The following RYR2 variants were observed in gnomAD, a reference collection of about 807,000 sequenced individuals.
RYR2 encodes the protein ryanodine receptor 2.
RYR2 carries 227 observed loss-of-function variants against 601.1 expected under a neutral mutation model. The observed-to-expected ratio is 0.38, with a 90% confidence interval of 0.34 to 0.42. The LOEUF (loss-of-function observed/expected upper bound fraction) is 0.42. RYR2 is among the 10% of genes least tolerant of loss of function. The pLI, the probability that RYR2 is intolerant of heterozygous loss-of-function variation, is 1.00. For missense variants in RYR2, 4,646 were observed against 6,156.5 expected, an observed-to-expected ratio of 0.75 and a Z score of 8.21; for synonymous variants, 2,223 against 2,175.1, an observed-to-expected ratio of 1.02 and a Z score of -0.61.
At chr1:237,582,522 G>T (rs1021074537) in intron 29 of RYR2, among the ~76,000 whole-genome samples, 1 of 151,932 alleles carries the variant, frequency 6.6e-6, no homozygotes, top group Non-Finnish European at 1.5e-5. Context: ...TAGTACAATT[G>T]ATACTTTCAC....
intron 11 of RYR2, 137 bp downstream of exon 11, chr1:237,417,260 GTTTCTCT>G (rs1558783496): frequency 1.6e-6 from 1 of 643,632 alleles, no homozygotes; most frequent in Admixed American, 2.8e-5. Flanking sequence ...GTGGTGGACA[GTTTCTCT>G]TTTGTCTATT....
At chr1:237,687,363 C>CTTTTTTTTTTTTTTT in intron 62 of RYR2, 92 bp from the exon 63 acceptor site, 1 of 452,442 alleles carries the variant, frequency 2.2e-6, no homozygotes, top group Non-Finnish European at 3.5e-6. Context: ...CTTTTTTCTT[C>CTTTTTTTTTTTTTTT]TTCTTTTTTT....
At chr1:237,711,954 T>A in intron 71 of RYR2, 117 bp downstream of exon 71, 1 of 637,954 alleles carries the variant, frequency 1.6e-6, no homozygotes. Context: ...GATTTGGTAA[T>A]GTTATAAATT....
At chr1:237,285,593 A>G (rs1691472048) in intron 2 of RYR2, among the ~76,000 whole-genome samples, 1 of 152,140 alleles carries the variant, frequency 6.6e-6, no homozygotes, top group African/African-American at 2.4e-5. Context: ...AGTATCAAAA[A>G]TATGGGTACC....
At position 237,106,139 on chromosome 1, in the gene RYR2, C is replaced by T. The variant is rs1668655680; in HGVS notation, c.48+63570C>T. On this transcript the variant is annotated intron_variant, in intron 1 of 104. Coordinates refer to ENST00000366574, the MANE Select transcript of RYR2 (RefSeq NM_001035.3). The surrounding 1 kb of genome is among the most constrained non-coding windows in gnomAD (Gnocchi z 4.4). Reference sequence around the variant, plus strand: ...ACTGGGCTCTTGCTATTACTTTTAGCCATATGGGAGTCATTGCAATCCTTT... The same window carrying T: ...ACTGGGCTCTTGCTATTACTTTTAGTCATATGGGAGTCATTGCAATCCTTT... Among the ~76,000 whole-genome samples the T allele has an allele frequency of 6.6e-6, 1 of 152,088 alleles. No individual in the cohort carries two copies. The highest frequency in any genetic ancestry group is 1.5e-5 in the Non-Finnish European group (1 of 68,022).
intron 92 of RYR2, among the ~76,000 whole-genome samples, chr1:237,788,669 T>G (rs575013341): frequency 6.6e-6 from 1 of 152,342 alleles, no homozygotes; most frequent in East Asian, 1.9e-4. Flanking sequence ...TGAGCCACTT[T>G]CCATTGATAA....
intron 62 of RYR2, among the ~76,000 whole-genome samples, chr1:237,682,412 A>C (rs1573500758): frequency 6.6e-6 from 1 of 152,156 alleles, no homozygotes; most frequent in East Asian, 1.9e-4. Flanking sequence ...ATAGTCATGC[A>C]CCACATAACA....
In RYR2 at chr1:237,706,993, C is replaced by T. The variant is rs767375014; in HGVS notation, c.9625C>T (p.Pro3209Ser). 6.2e-7 allele frequency: 1 copy of T among 1,613,700 alleles called. No homozygotes were observed. Among genetic ancestry groups the T allele is most frequent in the African/African-American group, 1.3e-5 (1 of 74,898 alleles). ...TNVEDVCPNI[P>S]SLEKLMEEIV... ...TGTGGAAGATGTTTGTCCAAACATA[C>T]CGTCTTTGGAGAAACTCATGGAAGA... Residue 3209 changes from proline to serine, a missense_variant, in exon 68 of 105, where the codon CCG becomes TCG. By Grantham distance (74) the Pro-to-Ser change is moderately conservative. Coordinates refer to ENST00000366574, the MANE Select transcript of RYR2 (RefSeq NM_001035.3).
At chr1:237,707,336 T>C in intron 68 of RYR2, 67 bp downstream of exon 68, 1 of 800,134 alleles carries the variant, frequency 1.2e-6, no homozygotes, top group Non-Finnish European at 1.8e-6. Context: ...TTTAAATACA[T>C]AAACTAGAAT....
chr1:237,242,446 A>C (rs1686294297), intron 1 of RYR2, among the ~76,000 whole-genome samples: 1 of 152,118 alleles, frequency 6.6e-6, no homozygotes, highest in Non-Finnish European at 1.5e-5. Context: ...AGGATAACTA[A>C]ATGCAAGGAC....
intron 1 of RYR2, among the ~76,000 whole-genome samples, chr1:237,241,042 T>C (rs1686108779): frequency 6.6e-6 from 1 of 152,212 alleles, no homozygotes; most frequent in African/African-American, 2.4e-5. Context: ...ATTGTTAGAT[T>C]CAAGGATGGT....
chr1:237,065,720 G>A (rs958135243), intron 1 of RYR2, among the ~76,000 whole-genome samples: 1 of 152,148 alleles, frequency 6.6e-6, no homozygotes, highest in Non-Finnish European at 1.5e-5. Context: ...TTGCACTGCT[G>A]TAAAGAAATA....
Position 237,430,067 on chromosome 1 carries a change from G to A in RYR2, c.1005+6819G>A, listed in dbSNP as rs945212063. ...CCAGATCAATATATATCAATATATT[G>A]TTATATATATTTCCAGATCAATATA... On this transcript the variant is annotated intron_variant, in intron 12 of 104. Transcript: ENST00000366574. Among the ~76,000 whole-genome samples the A allele has an allele frequency of 6.0e-5, 9 of 149,892 alleles. 1 individual carries two copies. The East Asian group carries it at 1.8e-3, about 29-fold the overall frequency.
intron 3 of RYR2, chr1:237,352,929 A>G: frequency 2.1e-6 from 1 of 484,134 alleles, no homozygotes; most frequent in Admixed American, 2.1e-5. Context: ...AATCAATACC[A>G]GGTATGTCGC....
intron 38 of RYR2, 108 bp from the exon 39 acceptor site, chr1:237,623,657 G>A: frequency 1.5e-6 from 1 of 650,620 alleles, no homozygotes; most frequent in Non-Finnish European, 2.7e-6. Flanking sequence ...CTCCCAGAGT[G>A]CTGGGATTAC....
At chr1:237,352,537 A>T (rs920167226) in intron 3 of RYR2, among the ~76,000 whole-genome samples, 4 of 152,306 alleles carry the variant, frequency 2.6e-5, no homozygotes, top group African/African-American at 9.6e-5. Context: ...GATCAGGTAG[A>T]TCAATGCAAT....
At chr1:237,172,756 G>T (rs1677560920) in intron 1 of RYR2, among the ~76,000 whole-genome samples, 1 of 152,142 alleles carries the variant, frequency 6.6e-6, no homozygotes, top group Non-Finnish European at 1.5e-5. Context: ...GCATCATCTG[G>T]TTATGAATGT....
At chr1:237,199,149 G>A (rs1006711780) in intron 1 of RYR2, among the ~76,000 whole-genome samples, 5 of 152,160 alleles carry the variant, frequency 3.3e-5, no homozygotes, top group Admixed American at 6.5e-5. Context: ...ATAGAGGTGC[G>A]ACATTCTGTA....
chr1:237,785,017 G>A (rs1695435037), intron 90 of RYR2, 45 bp downstream of exon 90: 2 of 1,349,618 alleles, frequency 1.5e-6, no homozygotes, highest in African/African-American at 1.4e-5. Context: ...TGGACTTCAG[G>A]TGGGTATAAT....
Sources: gnomAD v4.1 joint callset for allele counts (sites outside exome capture counted in the v4.1 genomes callset) on GRCh38, gnomAD v4.1.1 for gene constraint, Gnocchi (gnomAD v3.1) non-coding constraint, MANE v1.5 for transcripts, NCBI Gene and HGNC (gene_info 2026-07-23, HGNC 2026-07-21) for gene names.